Variants in NIBAN1 observed in about 807,000 individuals in gnomAD.
NIBAN1 encodes niban apoptosis regulator 1.
A neutral mutation model predicts 75.1 loss-of-function variants in NIBAN1; 81 were observed. The ratio of observed to expected loss-of-function variants is 1.08; its 90% CI spans 0.90 to 1.30. NIBAN1 has a LOEUF of 1.30. Ranked by LOEUF, NIBAN1 falls within the 50% of genes most tolerant of loss-of-function variation. The pLI is 0.00. For synonymous variants in NIBAN1, 436 were observed against 424.8 expected, an observed-to-expected ratio of 1.03 and a Z score of -0.32; for missense variants, 1,133 against 1,128.1, an observed-to-expected ratio of 1.00 and a Z score of -0.06.
intron 2 of NIBAN1, 119 bp from the exon 3 acceptor site, chr1:184,894,325 G>C (rs1656745157): frequency 8.9e-7 from 1 of 1,121,928 alleles, no homozygotes; most frequent in African/African-American, 1.6e-5. Context: ...TGAGATCCTG[G>C]GGAAACTGTT....
At chr1:184,857,063 C>T (rs892236796) in intron 5 of NIBAN1, among the ~76,000 whole-genome samples, 1 of 152,142 alleles carries the variant, frequency 6.6e-6, no homozygotes, top group Admixed American at 6.5e-5. Flanking sequence ...AAACACCCAA[C>T]CTATGAAATC....
At chr1:184,907,476 G>T (rs1429439720) in intron 1 of NIBAN1, among the ~76,000 whole-genome samples, 1 of 152,054 alleles carries the variant, frequency 6.6e-6, no homozygotes, top group Non-Finnish European at 1.5e-5. Context: ...ATTTATAAAA[G>T]AAATTACAAT....
At chr1:184,867,305 G>C (rs773448672) in intron 5 of NIBAN1, among the ~76,000 whole-genome samples, 12 of 152,016 alleles carry the variant, frequency 7.9e-5, no homozygotes, top group Admixed American at 2.0e-4. Context: ...TATTGTGCCA[G>C]GAAAAATATC....
intron 1 of NIBAN1, among the ~76,000 whole-genome samples, chr1:184,928,529 C>G (rs1657739935): frequency 6.6e-6 from 1 of 152,138 alleles, no homozygotes. Context: ...TGCGTGATTC[C>G]CCTCTGGCTA....
chr1:184,845,871 C>A lies in NIBAN1; in HGVS notation c.602-13909G>T, dbSNP rs1193789000. Among the ~76,000 whole-genome samples the A allele has an allele frequency of 6.1e-5, 5 of 82,158 alleles. No individual in the cohort carries two copies. The East Asian group carries it at 7.9e-4, about 13-fold the overall frequency. The allele number at this position is 82,158 out of a possible 152,430, so 53.9% of individuals were successfully genotyped here. On this transcript the variant is annotated intron_variant, in intron 5 of 13. Coordinates refer to ENST00000367511, the MANE Select transcript of NIBAN1 (RefSeq NM_052966.4). ...TCAAAGAAAGGGGTGACGGACGCACCTGGAAAATCGGGTCACTCCCACCCG... is the reference window on the plus strand; with the variant it reads ...TCAAAGAAAGGGGTGACGGACGCACATGGAAAATCGGGTCACTCCCACCCG...
intron 1 of NIBAN1, among the ~76,000 whole-genome samples, chr1:184,939,622 T>G (rs1013790121): frequency 2.6e-5 from 4 of 152,190 alleles, no homozygotes; most frequent in African/African-American, 9.7e-5. Flanking sequence ...TGCCTGGTTT[T>G]AAGTCTCTGC....
At chr1:184,961,976 A>G (rs113123016) in intron 1 of NIBAN1, among the ~76,000 whole-genome samples, 3 of 152,192 alleles carry the variant, frequency 2.0e-5, no homozygotes, top group Non-Finnish European at 2.9e-5. Context: ...TGGTGATATC[A>G]CTGAGCCACT....
intron 9 of NIBAN1, among the ~76,000 whole-genome samples, chr1:184,812,427 G>C (rs1413344655): frequency 1.3e-5 from 2 of 152,174 alleles, no homozygotes; most frequent in African/African-American, 4.8e-5. Flanking sequence ...TGGGTCACTA[G>C]AGCCACTCAG....
chr1:184,815,430 G>C (rs1444722191), intron 9 of NIBAN1, among the ~76,000 whole-genome samples: 1 of 152,126 alleles, frequency 6.6e-6, no homozygotes, highest in Non-Finnish European at 1.5e-5. Flanking sequence ...TCCTGGAACT[G>C]TACACCCATT....
intron 1 of NIBAN1, among the ~76,000 whole-genome samples, chr1:184,952,034 C>A (rs537897535): frequency 6.6e-6 from 1 of 152,186 alleles, no homozygotes; most frequent in Non-Finnish European, 1.5e-5. Flanking sequence ...TTGTTCATCC[C>A]GTTTCACAGA....
chr1:184,956,630 G>A (rs980347923), intron 1 of NIBAN1, among the ~76,000 whole-genome samples: 14 of 152,120 alleles, frequency 9.2e-5, no homozygotes, highest in Non-Finnish European at 1.6e-4. Flanking sequence ...TTAATAAAGA[G>A]CACATATATT....
chr1:184,964,142 G>C (rs759433816), intron 1 of NIBAN1, among the ~76,000 whole-genome samples: 47 of 152,084 alleles, frequency 3.1e-4, no homozygotes, highest in South Asian at 1.0e-3. Context: ...GATGGTAATA[G>C]TTTGCAGGAA....
At chr1:184,875,287 TTTA>T (rs1212518178) in intron 5 of NIBAN1, among the ~76,000 whole-genome samples, 2 of 152,128 alleles carry the variant, frequency 1.3e-5, no homozygotes, top group African/African-American at 4.8e-5. Context: ...ACAACAAATA[TTTA>T]TTATCTCTCA....
chr1:184,820,703 C>A (rs78311438), intron 8 of NIBAN1, among the ~76,000 whole-genome samples: 8,441 of 152,336 alleles, frequency 0.055, 273 homozygotes, highest in Middle Eastern at 0.088. Context: ...AGCGATGATG[C>A]CTGAAAGGCG....
intron 2 of NIBAN1, among the ~76,000 whole-genome samples, chr1:184,895,870 T>C (rs1656784798): frequency 6.6e-6 from 1 of 152,324 alleles, no homozygotes; most frequent in African/African-American, 2.4e-5. Flanking sequence ...GCTCCATCCA[T>C]GTTGTTGCAA....
At chr1:184,845,584 C>A (rs943037684) in intron 5 of NIBAN1, among the ~76,000 whole-genome samples, 2 of 152,016 alleles carry the variant, frequency 1.3e-5, no homozygotes, top group Non-Finnish European at 2.9e-5. Flanking sequence ...TAGTGAGACC[C>A]CCGTCTCTAC....
At chr1:184,945,729 A>G (rs1658204206) in intron 1 of NIBAN1, among the ~76,000 whole-genome samples, 1 of 152,238 alleles carries the variant, frequency 6.6e-6, no homozygotes, top group South Asian at 2.1e-4. Context: ...AAAGACATTT[A>G]CCCTGACATT....
At chr1:184,920,379 T>A (rs1015823276) in intron 1 of NIBAN1, among the ~76,000 whole-genome samples, 1 of 152,230 alleles carries the variant, frequency 6.6e-6, no homozygotes, top group Non-Finnish European at 1.5e-5. Flanking sequence ...ATTTATCATT[T>A]CTTTGTGTTG....
At chr1:184,835,171 C>T (rs945963154) in intron 5 of NIBAN1, among the ~76,000 whole-genome samples, 5 of 152,170 alleles carry the variant, frequency 3.3e-5, no homozygotes, top group African/African-American at 1.2e-4. Context: ...GGTGTTAGTT[C>T]TGAGGCCTCT....
Sources: gnomAD v4.1 joint callset for allele counts (sites outside exome capture counted in the v4.1 genomes callset) on GRCh38, gnomAD v4.1.1 for gene constraint, MANE v1.5 for transcripts, NCBI Gene and HGNC (gene_info 2026-07-23, HGNC 2026-07-21) for gene names.